Variants in NIPSNAP3B observed in about 807,000 individuals in gnomAD.
NIPSNAP3B encodes nipsnap homolog 3B, also known as protein NipSnap homolog 3B.
NIPSNAP3B carries 30 observed loss-of-function variants against 31.5 expected under a neutral mutation model. The observed-to-expected ratio is 0.95, with a 90% CI of 0.71 to 1.29. The LOEUF is 1.29. Among genes scored for constraint, NIPSNAP3B ranks in the 50% most tolerant of loss-of-function variants. The pLI, the probability that NIPSNAP3B is intolerant of heterozygous loss-of-function variation, is 0.00. For missense variants in NIPSNAP3B, 269 were observed against 300.7 expected (o/e 0.89, Z 0.78); for synonymous variants, 106 against 107.9 (o/e 0.98, Z 0.11).
rs551362754 is a variant in NIPSNAP3B, at chr9:104,774,936, G to A, written c.*1863G>A. 3.3e-5 allele frequency among the ~76,000 whole-genome samples: 5 copies of A among 152,062 alleles called. No homozygotes were observed. In the South Asian group the frequency reaches 1.0e-3, roughly 32 times the overall value. On this transcript the variant is annotated 3_prime_UTR_variant, in exon 6 of 6. Coordinates refer to ENST00000374762, the MANE Select transcript of NIPSNAP3B (RefSeq NM_018376.4). ...ATGACCTTTCCTTTTACTTAACAGA[G>A]AAAATAACAATCAGAAGAGTCTTCA...
At position 104,777,246 on chromosome 9, in the gene NIPSNAP3B, T is replaced by G. The variant is rs1227184063; in HGVS notation, c.*4173T>G. ...TCTGGACTTCATTCTCAGCACCATC[T>G]CTTAACCTACTGAGTAAATCCTATG... On this transcript the variant is annotated 3_prime_UTR_variant, in exon 6 of 6. Coordinates refer to ENST00000374762, the MANE Select transcript of NIPSNAP3B (RefSeq NM_018376.4). 2.6e-5 allele frequency: 4 copies of G among 152,228 alleles called. No individual in the cohort carries two copies. Among genetic ancestry groups the G allele is most frequent in the African/African-American group, 9.6e-5 (4 of 41,452 alleles). The allele number at this position is 152,228 out of a possible 1,614,324, so 9.4% of individuals were successfully genotyped here. A position where few individuals can be genotyped will look rare whatever the true frequency, so the allele number is the denominator to read the frequency against.
At chr9:104,778,945 A>G (rs928020067), downstream of NIPSNAP3B, among the ~76,000 whole-genome samples, 10 of 152,258 alleles carry the variant, frequency 6.6e-5, no homozygotes, top group Admixed American at 4.6e-4. Context: ...GGTCCCTGCT[A>G]TCTCTCCAGT....
Position 104,773,240 on chromosome 9 carries a change from T to A in NIPSNAP3B, c.*167T>A. 1 of 638,996 alleles carries A rather than the reference T, an allele frequency of 1.6e-6. No homozygotes were observed. Among genetic ancestry groups the A allele is most frequent in the South Asian group, 2.0e-5 (1 of 50,348 alleles). The allele number at this position is 638,996 out of a possible 1,614,324, so 39.6% of individuals were successfully genotyped here. On this transcript the variant is annotated 3_prime_UTR_variant, in exon 6 of 6. Coordinates refer to ENST00000374762, the MANE Select transcript of NIPSNAP3B (RefSeq NM_018376.4). ...TTGAAAGTTACATATTCTCCACTGC[T>A]TTAAGAAATAATTCAGTTCACTTTC...
downstream of NIPSNAP3B, among the ~76,000 whole-genome samples, chr9:104,780,078 C>T (rs1206076140): frequency 1.3e-5 from 2 of 152,170 alleles, no homozygotes; most frequent in Admixed American, 1.3e-4. Flanking sequence ...AACATATTTT[C>T]ATCTAAATTA....
chr9:104,786,984 T>C, the NIPSNAP3B span: 1 of 1,607,858 alleles, frequency 6.2e-7, no homozygotes, highest in Non-Finnish European at 8.5e-7. Context: ...ATCCTGTAAT[T>C]AGAATAAAAT....
At chr9:104,781,644 G>GT (rs999422560), downstream of NIPSNAP3B, 13 of 152,584 alleles carry the variant, frequency 8.5e-5, no homozygotes, top group African/African-American at 3.1e-4. Context: ...AGGTTTGGTT[G>GT]TTTTTTAACA....
rs570520079 is a variant in NIPSNAP3B, at chr9:104,766,353, G to C, written c.89G>C (p.Arg30Thr). The change falls in exon 2 of 6, where the codon AGA becomes ACA. Residue 30 changes from arginine to threonine, a missense_variant. Physicochemically the swap from Arg to Thr is moderately conservative, Grantham distance 71. Transcript: ENST00000374762. ...TGTTCATCTTTTGCTACGGGCCCTA[G>C]ACAATACGATGGAACGTTCTATGAA... ...QVCSSFATGP[R>T]QYDGTFYEFR... is the part of the protein sequence containing the mutation. 22 of 1,613,574 alleles carry C rather than the reference G, an allele frequency of 1.4e-5. No individual in the cohort carries two copies. In the East Asian group the frequency reaches 4.2e-4, roughly 31 times the overall value.
the NIPSNAP3B span, among the ~76,000 whole-genome samples, chr9:104,789,442 A>T: frequency 6.6e-6 from 1 of 152,226 alleles, no homozygotes; most frequent in Non-Finnish European, 1.5e-5. Flanking sequence ...TACTGCAAAA[A>T]TGTAAGAGAC....
chr9:104,766,569 G>C (rs374758081), intron 2 of NIPSNAP3B, 34 bp downstream of exon 2: 6 of 1,574,962 alleles, frequency 3.8e-6, no homozygotes, highest in Non-Finnish European at 4.4e-6. Flanking sequence ...ATTCAGTATA[G>C]ATTTTCATTC....
chr9:104,782,847 TTA>T, the NIPSNAP3B span: 1 of 121,602 alleles, frequency 8.2e-6, no homozygotes, highest in East Asian at 2.8e-4. Context: ...ATTGTTGCAA[TTA>T]AAAAAAAAAA....
the NIPSNAP3B span, chr9:104,783,947 T>C: frequency 3.7e-4 from 74 of 198,928 alleles, no homozygotes; most frequent in East Asian, 8.7e-3. Flanking sequence ...CTGGCCATGA[T>C]TACTTGATGA....
the NIPSNAP3B span, chr9:104,785,383 A>G: frequency 6.2e-7 from 1 of 1,613,822 alleles, no homozygotes; most frequent in Non-Finnish European, 8.5e-7. Flanking sequence ...CTGTTTTGAC[A>G]CTCAAAGCTT....
the NIPSNAP3B span, chr9:104,786,838 T>C: frequency 1.9e-6 from 3 of 1,557,832 alleles, no homozygotes; most frequent in African/African-American, 2.7e-5. Flanking sequence ...AGTTAAAACA[T>C]CCCACAGTGA....
intron 1 of NIPSNAP3B, among the ~76,000 whole-genome samples, chr9:104,765,865 T>G (rs963776149): frequency 2.6e-5 from 4 of 152,160 alleles, no homozygotes; most frequent in Non-Finnish European, 5.9e-5. Context: ...AAAACAAGAG[T>G]TTTTTGTTAG....
rs1828307033 is a variant in NIPSNAP3B, at chr9:104,775,136, T to G, written c.*2063T>G. 6.6e-6 allele frequency among the ~76,000 whole-genome samples: 1 copy of G among 152,056 alleles called. No homozygotes were observed. The highest frequency in any genetic ancestry group is 2.4e-5 in the African/African-American group (1 of 41,378). On this transcript the variant is annotated 3_prime_UTR_variant, in exon 6 of 6. Coordinates refer to ENST00000374762, the MANE Select transcript of NIPSNAP3B (RefSeq NM_018376.4). ...TTTCCTGTCTCCTGAAGCCACAGTATTCCCCTTCAACTGGATTCTTCTCCT... is the reference window on the plus strand; with the variant it reads ...TTTCCTGTCTCCTGAAGCCACAGTAGTCCCCTTCAACTGGATTCTTCTCCT...
chr9:104,777,891 T>C (rs192619153), downstream of NIPSNAP3B, among the ~76,000 whole-genome samples: 1 of 152,362 alleles, frequency 6.6e-6, no homozygotes, highest in Non-Finnish European at 1.5e-5. Context: ...ATCCTTGTCA[T>C]GCTGAAATGA....
At chr9:104,772,606 T>G (rs1186744337) in intron 4 of NIPSNAP3B, among the ~76,000 whole-genome samples, 1 of 152,202 alleles carries the variant, frequency 6.6e-6, no homozygotes, top group Non-Finnish European at 1.5e-5. Context: ...TAAGCTGTGT[T>G]TCTTTGCATT....
the NIPSNAP3B span, chr9:104,787,757 G>T: frequency 1.1e-6 from 1 of 892,584 alleles, no homozygotes; most frequent in Non-Finnish European, 1.3e-6. Flanking sequence ...CCACCCCAGT[G>T]TGTGCCAAGG....
At chr9:104,784,924 A>C in the NIPSNAP3B span, among the ~76,000 whole-genome samples, 5 of 152,154 alleles carry the variant, frequency 3.3e-5, no homozygotes, top group Admixed American at 2.0e-4. Context: ...GATTACAGGC[A>C]TGAGCCACCA....
Sources: allele counts gnomAD v4.1 joint callset (sites outside exome capture counted in the v4.1 genomes callset), GRCh38; gene constraint gnomAD v4.1.1; transcripts MANE v1.5; gene names NCBI Gene and HGNC (gene_info 2026-07-23, HGNC 2026-07-21).